The following CREBBP variants were observed in gnomAD, a reference collection of about 807,000 sequenced individuals.
CREBBP encodes CREB binding lysine acetyltransferase.
CREBBP carries 19 observed loss-of-function variants against 265.0 expected under a neutral mutation model. That is an observed-to-expected ratio of 0.07 (90% confidence interval 0.05 to 0.11). The LOEUF (loss-of-function observed/expected upper bound fraction) is 0.11. CREBBP is among the 10% of genes least tolerant of loss of function. CREBBP has a pLI of 1.00. For synonymous variants in CREBBP, 1,457 were observed against 1,223.7 expected (o/e 1.19, Z -3.98); for missense variants, 2,525 against 3,219.0 (o/e 0.78, Z 5.22).
At position 3,846,708 on chromosome 16, in the gene CREBBP, C is replaced by T. The variant is rs527295955; in HGVS notation, c.798+3589G>A. Among the ~76,000 whole-genome samples, 7 of 152,316 alleles carry T rather than the reference C, an allele frequency of 4.6e-5. No individual in the cohort carries two copies. The East Asian group carries it at 9.6e-4, about 21-fold the overall frequency. ...TGGTGGGTGGGGAGGGGAACATCTA[C>T]ACTCACAAGAAAACGCTGTGTAATG... On this transcript the variant is annotated intron_variant, in intron 2 of 30. Transcript: ENST00000262367.
At chr16:3,754,940 AG>A (rs1198669254) in intron 19 of CREBBP, among the ~76,000 whole-genome samples, 6 of 152,232 alleles carry the variant, frequency 3.9e-5, no homozygotes, top group African/African-American at 1.4e-4. Context: ...TATTTGTTAC[AG>A]AATCAGGCCA....
At chr16:3,865,190 A>C (rs1395148727) in intron 1 of CREBBP, among the ~76,000 whole-genome samples, 1 of 152,230 alleles carries the variant, frequency 6.6e-6, no homozygotes, top group Non-Finnish European at 1.5e-5. Context: ...AAAACTATAA[A>C]TGCATATGCC....
Position 3,731,658 on chromosome 16 carries a change from T to A in CREBBP, c.4890+118A>T, listed in dbSNP as rs115143022. 1.3e-3 allele frequency: 1,944 copies of A among 1,498,216 alleles called. 20 individuals are homozygous for A. In the African/African-American group the frequency reaches 0.023, roughly 18 times the overall value. 92.8% of individuals were successfully genotyped at this position (1,498,216 alleles called of 1,614,324 possible). A position where few individuals can be genotyped will look rare whatever the true frequency, so the allele number is the denominator to read the frequency against. On this transcript the variant is annotated intron_variant, in intron 29 of 30. Coordinates refer to ENST00000262367, the MANE Select transcript of CREBBP (RefSeq NM_004380.3). This position sits in a 1 kb window ranked among gnomAD's most constrained non-coding sequence, Gnocchi z 7.7. The stretch of plus-strand genomic sequence containing the variant: ...ATGTCACCCAACTGGTCCACTTGGT[T>A]TCCTGGGGGCCACTTCCCTCCCACC...
At chr16:3,878,873 A>G (rs1330615341) in intron 1 of CREBBP, among the ~76,000 whole-genome samples, 1 of 152,242 alleles carries the variant, frequency 6.6e-6, no homozygotes, top group East Asian at 1.9e-4. Flanking sequence ...GGGACCCAGA[A>G]TTACTGAATT....
chr16:3,777,787 A>T (rs2141231360), intron 10 of CREBBP, 130 bp from the exon 11 acceptor site: 1 of 1,177,632 alleles, frequency 8.5e-7, no homozygotes, highest in South Asian at 1.3e-5. Flanking sequence ...GTCCAAAAGC[A>T]CGTGTGTTCC....
intron 3 of CREBBP, among the ~76,000 whole-genome samples, chr16:3,796,262 A>G (rs752576305): frequency 6.6e-6 from 1 of 152,190 alleles, no homozygotes; most frequent in African/African-American, 2.4e-5. Flanking sequence ...TTCTTTTTTT[A>G]AAATTTCAGA....
chr16:3,768,920 T>C (rs553808866), intron 15 of CREBBP, among the ~76,000 whole-genome samples: 3 of 152,304 alleles, frequency 2.0e-5, no homozygotes, highest in Admixed American at 6.5e-5. Flanking sequence ...TAAAAGGCTG[T>C]TGGATGATTC....
chr16:3,842,469 C>G (rs934438248), intron 2 of CREBBP, among the ~76,000 whole-genome samples: 4 of 152,102 alleles, frequency 2.6e-5, no homozygotes, highest in African/African-American at 9.7e-5. Context: ...CAAGAACATG[C>G]TCCCCTCATA....
intron 21 of CREBBP, among the ~76,000 whole-genome samples, chr16:3,746,251 T>C (rs116481265): frequency 0.037 from 5,621 of 152,180 alleles, 109 homozygotes; most frequent in African/African-American, 0.046. Flanking sequence ...AATCTGTCCA[T>C]TGCACGTGCT....
intron 1 of CREBBP, among the ~76,000 whole-genome samples, chr16:3,862,197 G>A (rs2055090797): frequency 6.6e-6 from 1 of 152,186 alleles, no homozygotes; most frequent in South Asian, 2.1e-4. Context: ...AACAAAAGTA[G>A]GAAAGGCTTC....
At chr16:3,828,159 C>G (rs985891361) in intron 2 of CREBBP, among the ~76,000 whole-genome samples, 1 of 152,014 alleles carries the variant, frequency 6.6e-6, no homozygotes, top group South Asian at 2.1e-4. Flanking sequence ...GTGGCGCAAC[C>G]TCGGCTCACC....
In CREBBP at chr16:3,850,302, C is replaced by T. The variant is rs753319377; in HGVS notation, c.793G>A (p.Ala265Thr). 7 of 1,614,112 alleles carry T rather than the reference C, an allele frequency of 4.3e-6. No homozygotes were observed. The highest frequency in any genetic ancestry group is 5.1e-6 in the Non-Finnish European group (6 of 1,180,054). The change falls in exon 2 of 31, where the codon GCC becomes ACC. Residue 265 changes from alanine (A) to threonine (T), a missense_variant. Ala to Thr is a moderately conservative substitution (Grantham distance 58, BLOSUM62 0). Coordinates refer to ENST00000262367, the MANE Select transcript of CREBBP (RefSeq NM_004380.3). ...GLNTAQAGGM[A>T]KMGITGNTSP... Reference sequence around the variant, plus strand: ...AAGTGCTTCAGTTCACTTACCTTGGCCATGCCTCCTGCCTGTGCGGTGTTC... The same window carrying T: ...AAGTGCTTCAGTTCACTTACCTTGGTCATGCCTCCTGCCTGTGCGGTGTTC...
chr16:3,808,908 G>A (rs1428781814), intron 3 of CREBBP, among the ~76,000 whole-genome samples: 1 of 152,154 alleles, frequency 6.6e-6, no homozygotes, highest in African/African-American at 2.4e-5. Flanking sequence ...AGGAGAGAAC[G>A]GGATCTGTGT....
intron 17 of CREBBP, 135 bp from the exon 18 acceptor site, chr16:3,758,183 G>C (rs2052631876): frequency 1.1e-6 from 1 of 934,938 alleles, no homozygotes; most frequent in Non-Finnish European, 1.6e-6. Context: ...GTAAGAAATA[G>C]GAAATGAAAA....
rs1208256956 is a variant in CREBBP, at chr16:3,791,992, C to T, written c.1319G>A (p.Arg440Gln). The T allele has an allele frequency of 2.5e-6, 4 of 1,613,504 alleles. No homozygotes were observed. The highest frequency in any genetic ancestry group is 2.5e-6 in the Non-Finnish European group (3 of 1,179,546). The stretch of plus-strand genomic sequence containing the variant: ...CCGTGCTCACTTACTTTGTTGGTTT[C>T]GCTTGTCACTGGCATTTTTCAAAGG... ...CLPLKNASDK[R>Q]NQQTILGSPA... Residue 440 changes from arginine to glutamine, a missense_variant, in exon 5 of 31, where the codon CGA (arginine) becomes CAA (glutamine). Arg to Gln is a conservative substitution (Grantham distance 43). Around this residue, in one of 19 missense-constraint regions of CREBBP, gnomAD observed 48 missense variants for 70.2 expected, o/e 0.68. Transcript: ENST00000262367.
chr16:3,799,222 G>A (rs912724405), intron 3 of CREBBP, among the ~76,000 whole-genome samples: 1 of 152,162 alleles, frequency 6.6e-6, no homozygotes, highest in Admixed American at 6.6e-5. Flanking sequence ...TTGGAGTGGT[G>A]AAAATGTTTC....
intron 16 of CREBBP, among the ~76,000 whole-genome samples, chr16:3,763,305 T>C (rs1443406753): frequency 6.6e-6 from 1 of 151,924 alleles, no homozygotes; most frequent in Non-Finnish European, 1.5e-5. Context: ...ACTATAAGCA[T>C]GCACCACCAT....
intron 1 of CREBBP, among the ~76,000 whole-genome samples, chr16:3,852,035 C>CAAAAAAAAAAAAAAAAAAAAAAA (rs551018184): frequency 1.8e-4 from 2 of 11,196 alleles, no homozygotes; most frequent in Non-Finnish European, 3.5e-4. Context: ...GACTCCATCT[C>CAAAAAAAAAAAAAAAAAAAAAAA]AAAAAAAAAA....
intron 1 of CREBBP, among the ~76,000 whole-genome samples, chr16:3,871,169 T>C (rs941767087): frequency 1.4e-5 from 2 of 147,696 alleles, no homozygotes; most frequent in Admixed American, 6.9e-5. Context: ...AAGCCCCTTT[T>C]AGAGATCTCT....
Sources: allele counts gnomAD v4.1 joint callset (sites outside exome capture counted in the v4.1 genomes callset), GRCh38; gene constraint gnomAD v4.1.1; regional missense constraint gnomAD v4.1.1; non-coding constraint Gnocchi (gnomAD v3.1); transcripts MANE v1.5; gene names NCBI Gene and HGNC (gene_info 2026-07-23, HGNC 2026-07-21).